The following ERC1 variants were observed in gnomAD, a reference collection of about 807,000 sequenced individuals.
The protein encoded by ERC1 is RAB6 interacting protein 2.
Under a neutral mutation model 132.0 loss-of-function variants are expected in ERC1, and 56 were observed. The ratio of observed to expected loss-of-function variants is 0.42; its 90% CI spans 0.34 to 0.53. The LOEUF is 0.53. Among genes scored for constraint, ERC1 ranks in the 20% least tolerant of loss-of-function variants. ERC1 has a pLI of 0.03. For synonymous variants in ERC1, 478 were observed against 476.1 expected (o/e 1.00, Z -0.05); for missense variants, 1,202 against 1,349.9 (o/e 0.89, Z 1.72).
intron 15 of ERC1, among the ~76,000 whole-genome samples, chr12:1,316,429 A>G (rs1489489457): frequency 1.3e-5 from 2 of 152,172 alleles, no homozygotes; most frequent in Admixed American, 6.5e-5. Flanking sequence ...TTATTGCTGA[A>G]AAGTTATTTA....
At chr12:1,405,223 G>C (rs2091397682) in intron 16 of ERC1, among the ~76,000 whole-genome samples, 1 of 148,772 alleles carries the variant, frequency 6.7e-6, no homozygotes, top group African/African-American at 2.5e-5. Flanking sequence ...CAAACATTCA[G>C]ACCATAGCAA....
chr12:1,003,916 T>C (rs914279139), intron 1 of ERC1, among the ~76,000 whole-genome samples: 5 of 152,204 alleles, frequency 3.3e-5, no homozygotes, highest in Non-Finnish European at 7.4e-5. Context: ...ATGAGGAGCC[T>C]ATTCTAGGCT....
At chr12:1,081,861 A>G (rs1942240815) in intron 2 of ERC1, among the ~76,000 whole-genome samples, 1 of 152,212 alleles carries the variant, frequency 6.6e-6, no homozygotes, top group Non-Finnish European at 1.5e-5. Context: ...GGTTTTTACT[A>G]CAGTAAAATA....
At chr12:1,312,402 C>T (rs2081371749) in intron 15 of ERC1, among the ~76,000 whole-genome samples, 1 of 152,128 alleles carries the variant, frequency 6.6e-6, no homozygotes, top group African/African-American at 2.4e-5. Flanking sequence ...TCCTCTGTCA[C>T]CCAGGCTGGA....
At chr12:1,426,088 CAG>C (rs1250756409) in intron 17 of ERC1, among the ~76,000 whole-genome samples, 5 of 151,498 alleles carry the variant, frequency 3.3e-5, no homozygotes, top group South Asian at 2.1e-4. Flanking sequence ...AAGTCTAACA[CAG>C]GGAGTTTTTA....
intron 7 of ERC1, among the ~76,000 whole-genome samples, chr12:1,121,368 G>A (rs1309866440): frequency 1.3e-5 from 2 of 152,176 alleles, no homozygotes; most frequent in Admixed American, 6.5e-5. Flanking sequence ...GTGCATAGAC[G>A]ACCATGACTC....
chr12:1,383,503 A>G (rs1019935787), intron 16 of ERC1, among the ~76,000 whole-genome samples: 4 of 152,172 alleles, frequency 2.6e-5, no homozygotes, highest in African/African-American at 9.7e-5. Flanking sequence ...GTGTGGTGGC[A>G]TGCGCCTGTA....
At chr12:1,176,249 G>A (rs1953703040) in intron 8 of ERC1, among the ~76,000 whole-genome samples, 1 of 152,166 alleles carries the variant, frequency 6.6e-6, no homozygotes, top group South Asian at 2.1e-4. Context: ...GAATCTCCTT[G>A]TACCTCTCTA....
At chr12:1,129,234 A>T (rs1159464049) in intron 7 of ERC1, among the ~76,000 whole-genome samples, 1 of 152,206 alleles carries the variant, frequency 6.6e-6, no homozygotes, top group East Asian at 1.9e-4. Flanking sequence ...ATCCTAGTGG[A>T]GGTCAAGGTA....
At chr12:1,126,157 T>A (rs954193763) in intron 7 of ERC1, among the ~76,000 whole-genome samples, 2 of 152,212 alleles carry the variant, frequency 1.3e-5, no homozygotes, top group African/African-American at 2.4e-5. Flanking sequence ...ATTAAATTTT[T>A]AAAAATGTAT....
chr12:1,244,623 G>A, intron 13 of ERC1: 1 of 441,330 alleles, frequency 2.3e-6, no homozygotes, highest in South Asian at 1.6e-5. Context: ...CCGGATTCAA[G>A]TGATTCTCAT....
At chr12:1,319,054 G>GGAA (rs1422360025) in intron 15 of ERC1, among the ~76,000 whole-genome samples, 1 of 152,118 alleles carries the variant, frequency 6.6e-6, no homozygotes, top group Non-Finnish European at 1.5e-5. Flanking sequence ...CAATAAAGGG[G>GGAA]GAAGGTTCAC....
intron 7 of ERC1, among the ~76,000 whole-genome samples, chr12:1,119,321 A>G (rs988303972): frequency 1.3e-5 from 2 of 151,886 alleles, no homozygotes; most frequent in African/African-American, 4.8e-5. Context: ...GTGTTATACA[A>G]GGTACAGTAT....
intron 8 of ERC1, among the ~76,000 whole-genome samples, chr12:1,165,888 C>T (rs1030458312): frequency 6.6e-6 from 1 of 152,134 alleles, no homozygotes; most frequent in Non-Finnish European, 1.5e-5. Context: ...TGTTGTGCAA[C>T]CATCATCACT....
intron 6 of ERC1, among the ~76,000 whole-genome samples, chr12:1,115,217 G>T (rs979808721): frequency 6.6e-6 from 1 of 152,094 alleles, no homozygotes; most frequent in African/African-American, 2.4e-5. Context: ...TGTAAAGAAG[G>T]TGTTAGAAAG....
chr12:1,296,399 G>C (rs1014178923), intron 15 of ERC1, among the ~76,000 whole-genome samples: 2 of 117,886 alleles, frequency 1.7e-5, no homozygotes, highest in African/African-American at 6.3e-5. Context: ...TTATTGGATA[G>C]TCTTTTTTTT....
At chr12:1,158,827 T>G (rs1265832359) in intron 8 of ERC1, among the ~76,000 whole-genome samples, 1 of 152,178 alleles carries the variant, frequency 6.6e-6, no homozygotes, top group African/African-American at 2.4e-5. Context: ...GGGTTATGGG[T>G]GCTATCCCAA....
rs1170771144 is a variant in ERC1, at chr12:1,384,969, A to T, written c.2925+12992A>T. On this transcript the variant is annotated intron_variant, in intron 16 of 18. Coordinates refer to ENST00000360905, the MANE Select transcript of ERC1 (RefSeq NM_178040.4). The stretch of plus-strand genomic sequence containing the variant: ...TACCTAACTTTTAACAAGCTGATTC[A>T]TTAGAAATATACAAAGAGATTGAAT... 3.9e-5 allele frequency among the ~76,000 whole-genome samples: 6 copies of T among 152,218 alleles called. No individual in the cohort carries two copies. The East Asian group carries it at 1.2e-3, about 29-fold the overall frequency.
At chr12:1,002,860 T>G (rs1254017970) in intron 1 of ERC1, among the ~76,000 whole-genome samples, 1 of 152,136 alleles carries the variant, frequency 6.6e-6, no homozygotes, top group Non-Finnish European at 1.5e-5. Context: ...CTTTTTTTTC[T>G]TATTATAGGA....
Sources: gnomAD v4.1 joint callset for allele counts (sites outside exome capture counted in the v4.1 genomes callset) on GRCh38, gnomAD v4.1.1 for gene constraint, MANE v1.5 for transcripts, NCBI Gene and HGNC (gene_info 2026-07-23, HGNC 2026-07-21) for gene names.